QTMAN: variants seen among roughly 807,000 people sequenced by gnomAD.
The protein encoded by QTMAN is queuosine-tRNA mannosyltransferase.
At chr2:143,973,307 C>T in the QTMAN span, among the ~76,000 whole-genome samples, 1 of 152,058 alleles carries the variant, frequency 6.6e-6, no homozygotes, top group South Asian at 2.1e-4. Context: ...CCAAAACTCC[C>T]TCATGAAATT....
chr2:144,041,522 A>C, the QTMAN span, among the ~76,000 whole-genome samples: 2 of 152,206 alleles, frequency 1.3e-5, no homozygotes, highest in African/African-American at 4.8e-5. Context: ...TTATGTCCTA[A>C]TAGAAAATAA....
At chr2:144,050,186 T>C in the QTMAN span, among the ~76,000 whole-genome samples, 1 of 152,152 alleles carries the variant, frequency 6.6e-6, no homozygotes, top group Non-Finnish European at 1.5e-5. Flanking sequence ...AACTAAGAGA[T>C]CTTTCATTAA....
At chr2:144,303,662 A>AC in the QTMAN span, among the ~76,000 whole-genome samples, 4 of 152,220 alleles carry the variant, frequency 2.6e-5, no homozygotes, top group Non-Finnish European at 5.9e-5. Context: ...TTCAATACTA[A>AC]AAAGGGAGTA....
the QTMAN span, among the ~76,000 whole-genome samples, chr2:144,029,221 C>A: frequency 2.0e-5 from 3 of 152,128 alleles, no homozygotes; most frequent in Non-Finnish European, 2.9e-5. Flanking sequence ...AGACTAACTT[C>A]CCCAGAAAGA....
chr2:144,106,967 C>T, the QTMAN span, among the ~76,000 whole-genome samples: 3 of 152,228 alleles, frequency 2.0e-5, no homozygotes, highest in Non-Finnish European at 4.4e-5. Context: ...CAAAACCTCT[C>T]TACTACATGG....
the QTMAN span, among the ~76,000 whole-genome samples, chr2:144,030,007 C>T: frequency 6.6e-6 from 1 of 152,128 alleles, no homozygotes; most frequent in African/African-American, 2.4e-5. Flanking sequence ...CATGACATCT[C>T]TATGAGGTTG....
chr2:144,210,878 G>A, the QTMAN span: 4 of 152,074 alleles, frequency 2.6e-5, no homozygotes, highest in Admixed American at 6.6e-5. Context: ...TTACTCAGAG[G>A]AAATGCTAAG....
the QTMAN span, among the ~76,000 whole-genome samples, chr2:144,112,977 G>A: frequency 6.6e-6 from 1 of 151,856 alleles, no homozygotes; most frequent in Non-Finnish European, 1.5e-5. Flanking sequence ...CATATCAAAG[G>A]AGGCCTGTAA....
the QTMAN span, among the ~76,000 whole-genome samples, chr2:144,149,480 T>G: frequency 5.9e-5 from 9 of 152,058 alleles, no homozygotes; most frequent in Non-Finnish European, 8.8e-5. Flanking sequence ...ACTACAGAAT[T>G]AAGCTGTTTT....
chr2:144,222,737 G>T, the QTMAN span, among the ~76,000 whole-genome samples: 6 of 152,122 alleles, frequency 3.9e-5, no homozygotes. Context: ...GAACCCAGGA[G>T]GCAGAGCTTG....
the QTMAN span, among the ~76,000 whole-genome samples, chr2:144,182,664 A>G: frequency 7.0e-6 from 1 of 142,102 alleles, no homozygotes; most frequent in African/African-American, 2.6e-5. Flanking sequence ...AAAAAAAAAA[A>G]GGAATACCTT....
At chr2:144,264,779 G>A in the QTMAN span, among the ~76,000 whole-genome samples, 1 of 152,190 alleles carries the variant, frequency 6.6e-6, no homozygotes, top group East Asian at 1.9e-4. Flanking sequence ...GGGTAAGACT[G>A]CCTCAAGCTA....
chr2:144,209,620 AG>A, the QTMAN span, among the ~76,000 whole-genome samples: 1 of 152,220 alleles, frequency 6.6e-6, no homozygotes, highest in Non-Finnish European at 1.5e-5. Flanking sequence ...TTCATCACAG[AG>A]AATTAGCTAT....
chr2:144,313,737 A>C, the QTMAN span, among the ~76,000 whole-genome samples: 1 of 151,868 alleles, frequency 6.6e-6, no homozygotes, highest in East Asian at 1.9e-4. Flanking sequence ...CTACTTATCA[A>C]TAATTTCATA....
the QTMAN span, among the ~76,000 whole-genome samples, chr2:143,956,516 G>T: frequency 6.6e-6 from 1 of 152,024 alleles, no homozygotes; most frequent in African/African-American, 2.4e-5. Context: ...ATATGTGCTT[G>T]TTTTATGTCA....
chr2:144,059,243 T>TA, the QTMAN span, among the ~76,000 whole-genome samples: 1 of 152,324 alleles, frequency 6.6e-6, no homozygotes, highest in African/African-American at 2.4e-5. Context: ...CTTTGCCTGA[T>TA]ATACTCTCAT....
the QTMAN span, among the ~76,000 whole-genome samples, chr2:144,062,933 A>AAGAAGGGGAT: frequency 6.6e-6 from 1 of 152,072 alleles, no homozygotes; most frequent in Non-Finnish European, 1.5e-5. Flanking sequence ...CCTCCCCTTC[A>AAGAAGGGGAT]AGAAGGGGAT....
chr2:144,283,676 A>G, the QTMAN span, among the ~76,000 whole-genome samples: 16 of 152,276 alleles, frequency 1.1e-4, no homozygotes, highest in African/African-American at 3.1e-4. Context: ...AGAATAACCA[A>G]AATATAGTTA....
At chr2:144,325,414 A>T in the QTMAN span, among the ~76,000 whole-genome samples, 1 of 152,140 alleles carries the variant, frequency 6.6e-6, no homozygotes, top group Non-Finnish European at 1.5e-5. Context: ...GAAAAAACAA[A>T]ACTATAGAGC....
Sources: allele counts gnomAD v4.1 joint callset (sites outside exome capture counted in the v4.1 genomes callset), GRCh38; gene constraint gnomAD v4.1.1; transcripts MANE v1.5; gene names NCBI Gene and HGNC (gene_info 2026-07-23, HGNC 2026-07-21).